The following RHOC variants were observed in gnomAD, a reference collection of about 807,000 sequenced individuals.
The protein encoded by RHOC is ras homolog family member C.
In RHOC, 13 loss-of-function variants were observed where a neutral mutation model predicts 19.5. That is an observed-to-expected ratio of 0.67 (90% CI 0.43 to 1.06). The LOEUF (loss-of-function observed/expected upper bound fraction) is 1.06. RHOC is among the 50% of genes least tolerant of loss of function. The pLI is 0.00. For synonymous variants in RHOC, 106 were observed against 97.3 expected (o/e 1.09, Z -0.52); for missense variants, 173 against 256.9 (o/e 0.67, Z 2.23).
In RHOC at chr1:112,705,787, T is replaced by C. The variant is rs541321196; in HGVS notation, c.-76-619A>G. 649 of 410,420 alleles carry C rather than the reference T, an allele frequency of 1.6e-3. 3 individuals carry two copies. Among genetic ancestry groups the C allele is most frequent in the Non-Finnish European group, 2.5e-3 (513 of 202,552 alleles). The allele number at this position is 410,420 out of a possible 1,614,324, so 25.4% of individuals were successfully genotyped here. A position where few individuals can be genotyped will look rare whatever the true frequency, so the allele number is the denominator to read the frequency against. ...CCCAACCTGGGGTGGGCAGTGTTGA[T>C]GGAGGGCAATCACTACTGGGGTGAA... On this transcript the variant is annotated intron_variant, in intron 1 of 5. Transcript: ENST00000339083.
At position 112,701,520 on chromosome 1, in the gene RHOC, T is replaced by C. The variant is rs1382244887; in HGVS notation, c.*20A>G. 2 of 1,613,958 alleles carry C rather than the reference T, an allele frequency of 1.2e-6. No individual in the cohort carries two copies. Among genetic ancestry groups the C allele is most frequent in the Non-Finnish European group, 1.7e-6 (2 of 1,179,974 alleles). On this transcript the variant is annotated 3_prime_UTR_variant, in exon 6 of 6. Transcript: ENST00000339083. ...TACCCCTGTGAAGGGAGGGGGCATG[T>C]AGGAAAGGCCTTGGGGATCTCAGAG...
At chr1:112,705,541 C>T (rs1674809567) in intron 1 of RHOC, 1 of 487,066 alleles carries the variant, frequency 2.1e-6, no homozygotes, top group Admixed American at 2.3e-5. Flanking sequence ...TACACAGCCA[C>T]ACTCTTCCCA....
chr1:112,705,505 G>A (rs1474191540), intron 1 of RHOC: 2 of 525,736 alleles, frequency 3.8e-6, no homozygotes, highest in Non-Finnish European at 7.4e-6. Context: ...GTGGACATGA[G>A]TCAGAGAATT....
chr1:112,702,671 G>A lies in RHOC; in HGVS notation c.300C>T (p.Thr100=), dbSNP rs749388325. ...DSLENIPEKW[T]PEVKHFCPNV... The stretch of plus-strand genomic sequence containing the variant: ...TGGGGCAGAAGTGCTTCACCTCTGG[G>A]GTCCACTTCTCAGGAATGTTTTCTG... The change falls in exon 5 of 6, where the codon ACC becomes ACT. Residue 100 remains threonine (T), a synonymous_variant. Transcript: ENST00000339083. 4 of 1,614,066 alleles carry A rather than the reference G, an allele frequency of 2.5e-6. No homozygotes were observed. The East Asian group carries it at 8.9e-5, about 36-fold the overall frequency.
At chr1:112,705,219 A>G (rs1674800435) in intron 1 of RHOC, 51 bp from the exon 2 acceptor site, 1 of 701,610 alleles carries the variant, frequency 1.4e-6, no homozygotes, top group Admixed American at 2.0e-5. Flanking sequence ...GAGCCCCAAA[A>G]GAAGAGACAA....
At chr1:112,705,483 A>C in intron 1 of RHOC, 1 of 552,936 alleles carries the variant, frequency 1.8e-6, no homozygotes, top group Non-Finnish European at 3.4e-6. Flanking sequence ...CATTCACAAA[A>C]CTGTTGGTTT....
At chr1:112,706,477 CACA>C (rs1674875578) in intron 1 of RHOC, among the ~76,000 whole-genome samples, 33 of 3,806 alleles carry the variant, frequency 8.7e-3, no homozygotes, top group African/African-American at 0.02. Context: ...CACACACACA[CACA>C]CACACACACA....
intron 2 of RHOC, chr1:112,704,745 T>C (rs1674782176): frequency 4.0e-6 from 1 of 249,142 alleles, no homozygotes; most frequent in Non-Finnish European, 8.0e-6. Context: ...CAGCTCGAGT[T>C]TGGGCAGGCT....
chr1:112,704,565 AC>A, intron 2 of RHOC: 1 of 168,390 alleles, frequency 5.9e-6, no homozygotes, highest in Non-Finnish European at 1.3e-5. Context: ...GGACTGTGTG[AC>A]TCAAAGTCGT....
In RHOC at chr1:112,702,558, C is replaced by T. The variant is rs1311365286; in HGVS notation, c.408+5G>A. 1.2e-6 allele frequency: 2 copies of T among 1,613,742 alleles called. No homozygotes were observed. Among genetic ancestry groups the T allele is most frequent in the South Asian group, 1.1e-5 (1 of 91,066 alleles). On this transcript the variant is annotated splice_donor_5th_base_variant and intron_variant, in intron 5 of 5. Coordinates refer to ENST00000339083, the MANE Select transcript of RHOC (RefSeq NM_175744.5). ...CAGGGGCTCCAGCCTGGCAGCCGTA[C>T]CCACCTGCTTCATCTTGGCCAGCTC... is the stretch of plus-strand genomic sequence containing the variant.
chr1:112,706,487 CACACA>C (rs1674882858), intron 1 of RHOC, among the ~76,000 whole-genome samples: 1 of 25,192 alleles, frequency 4.0e-5, no homozygotes, highest in Non-Finnish European at 7.7e-5. Context: ...CACACACACA[CACACA>C]CACACACACA....
At chr1:112,704,139 C>T (rs1312317204) in intron 2 of RHOC, 4 of 259,208 alleles carry the variant, frequency 1.5e-5, no homozygotes, top group African/African-American at 2.2e-5. Flanking sequence ...GGATGCGGGA[C>T]GTCCAGGGAG....
intron 1 of RHOC, among the ~76,000 whole-genome samples, chr1:112,706,460 CACA>C (rs1674865526): frequency 4.6e-5 from 1 of 21,580 alleles, no homozygotes. Flanking sequence ...CACACACACA[CACA>C]CCACACACAC....
chr1:112,703,390 C>G, intron 3 of RHOC: 2 of 715,956 alleles, frequency 2.8e-6, no homozygotes, highest in Non-Finnish European at 5.0e-6. Context: ...TTACCATCAT[C>G]CCCATTTTGC....
intron 4 of RHOC, 49 bp downstream of exon 4, chr1:112,702,950 T>C (rs1570830552): frequency 1.6e-6 from 2 of 1,267,752 alleles, no homozygotes; most frequent in Non-Finnish European, 2.2e-6. Context: ...GCACGAGACC[T>C]CTGGCTGATT....
chr1:112,706,492 A>ACACCCCCACAC (rs1674886501), intron 1 of RHOC, among the ~76,000 whole-genome samples: 1 of 30,020 alleles, frequency 3.3e-5, no homozygotes, highest in East Asian at 7.2e-4. Context: ...ACACACACAC[A>ACACCCCCACAC]CACACACACA....
At chr1:112,705,070 C>A in intron 2 of RHOC, 30 bp downstream of exon 2, 1 of 702,672 alleles carries the variant, frequency 1.4e-6, no homozygotes, top group African/African-American at 1.7e-5. Context: ...GCTTCCCTCA[C>A]TTCCTCCTTC....
At chr1:112,706,495 CACACACACACACACA>C (rs1674888601) in intron 1 of RHOC, among the ~76,000 whole-genome samples, 1 of 36,730 alleles carries the variant, frequency 2.7e-5, no homozygotes, top group African/African-American at 9.1e-5. Context: ...CACACACACA[CACACACACACACACA>C]CACACACACA....
Position 112,705,161 on chromosome 1 carries a change from A to G in RHOC, c.-69T>C. On this transcript the variant is annotated 5_prime_UTR_variant, in exon 2 of 6. Transcript: ENST00000339083. ...AGGGCGGGCTCTGGAGCTGAGATGAAGTCAAGGCTGTTGGGAAGGGGGAGG... is the reference window on the plus strand; with the variant it reads ...AGGGCGGGCTCTGGAGCTGAGATGAGGTCAAGGCTGTTGGGAAGGGGGAGG... The G allele has an allele frequency of 2.8e-6, 2 of 702,396 alleles. No individual in the cohort carries two copies. Among genetic ancestry groups the G allele is most frequent in the Non-Finnish European group, 5.2e-6 (2 of 384,896 alleles). The allele number at this position is 702,396 out of a possible 1,614,324, so 43.5% of individuals were successfully genotyped here.
Sources: allele counts gnomAD v4.1 joint callset (sites outside exome capture counted in the v4.1 genomes callset), GRCh38; gene constraint gnomAD v4.1.1; transcripts MANE v1.5; gene names NCBI Gene and HGNC (gene_info 2026-07-23, HGNC 2026-07-21).